The following CDKAL1 variants were observed in gnomAD, a reference collection of about 807,000 sequenced individuals.
CDKAL1 encodes CDKAL1 threonylcarbamoyladenosine tRNA methylthiotransferase, also known as threonylcarbamoyladenosine tRNA methylthiotransferase.
Under a neutral mutation model 68.2 loss-of-function variants are expected in CDKAL1, and 32 were observed. That is an observed-to-expected ratio of 0.47 (90% CI 0.35 to 0.63). The LOEUF (loss-of-function observed/expected upper bound fraction) is 0.63. Among genes scored for constraint, CDKAL1 ranks in the 30% least tolerant of loss-of-function variants. CDKAL1 has a pLI of 0.00. For synonymous variants in CDKAL1, 234 were observed against 244.3 expected (o/e 0.96, Z 0.39); for missense variants, 606 against 696.7 (o/e 0.87, Z 1.47).
intron 13 of CDKAL1, among the ~76,000 whole-genome samples, chr6:21,192,475 C>T (rs1202291116): frequency 1.3e-5 from 2 of 152,114 alleles, no homozygotes; most frequent in East Asian, 3.8e-4. Flanking sequence ...AACCAACAGC[C>T]ACTTTCAAAA....
At chr6:20,991,956 T>A (rs891575206) in intron 10 of CDKAL1, among the ~76,000 whole-genome samples, 1 of 150,454 alleles carries the variant, frequency 6.6e-6, no homozygotes, top group Non-Finnish European at 1.5e-5. Context: ...TCATTAATAG[T>A]CACATTCTCT....
intron 4 of CDKAL1, among the ~76,000 whole-genome samples, chr6:20,593,794 A>T (rs1239076965): frequency 3.9e-5 from 6 of 152,040 alleles, no homozygotes; most frequent in Non-Finnish European, 1.5e-5. Context: ...GATCTTTCCC[A>T]CTTTCTGCTG....
At chr6:20,641,317 A>C (rs1441265666) in intron 4 of CDKAL1, among the ~76,000 whole-genome samples, 1 of 152,228 alleles carries the variant, frequency 6.6e-6, no homozygotes. Context: ...AGGGCAATGC[A>C]TGCTTTTAAC....
intron 5 of CDKAL1, among the ~76,000 whole-genome samples, chr6:20,719,769 C>G (rs1772259116): frequency 6.6e-6 from 1 of 152,148 alleles, no homozygotes; most frequent in Non-Finnish European, 1.5e-5. Flanking sequence ...TCTGGAAAAC[C>G]CTTTTATGTT....
At chr6:20,936,800 C>T (rs1763742485) in intron 9 of CDKAL1, among the ~76,000 whole-genome samples, 1 of 152,092 alleles carries the variant, frequency 6.6e-6, no homozygotes, top group Non-Finnish European at 1.5e-5. Context: ...ATAACAGTAG[C>T]CACTTTAAAT....
intron 5 of CDKAL1, among the ~76,000 whole-genome samples, chr6:20,720,203 CT>C (rs887004163): frequency 1.3e-5 from 2 of 152,036 alleles, no homozygotes; most frequent in African/African-American, 4.8e-5. Context: ...CACTGTTCTG[CT>C]TTCCTGGTTG....
At chr6:20,573,374 A>G (rs1764783748) in intron 4 of CDKAL1, among the ~76,000 whole-genome samples, 1 of 132,636 alleles carries the variant, frequency 7.5e-6, no homozygotes, top group South Asian at 2.2e-4. Context: ...CAAAAACCTC[A>G]AGTTATATTT....
intron 4 of CDKAL1, among the ~76,000 whole-genome samples, chr6:20,620,627 T>G (rs1767145562): frequency 6.6e-6 from 1 of 152,176 alleles, no homozygotes; most frequent in South Asian, 2.1e-4. Context: ...TGTTGAATGC[T>G]TGAAAGATGA....
chr6:20,752,677 A>T (rs1773978451), intron 6 of CDKAL1, among the ~76,000 whole-genome samples: 3 of 152,182 alleles, frequency 2.0e-5, no homozygotes. Context: ...CCCGATCCTT[A>T]TGAAAGTGAG....
intron 4 of CDKAL1, among the ~76,000 whole-genome samples, chr6:20,552,443 A>C (rs9465805): frequency 0.022 from 3,277 of 152,182 alleles, 104 homozygotes; most frequent in African/African-American, 0.074. Flanking sequence ...CATTTTAATT[A>C]AATTTTAATC....
intron 12 of CDKAL1, among the ~76,000 whole-genome samples, chr6:21,095,672 C>T (rs796744431): frequency 1.3e-4 from 19 of 151,542 alleles, no homozygotes; most frequent in African/African-American, 4.6e-4. Context: ...TTTTCATCCA[C>T]TGGCTATCTC....
chr6:20,902,311 TCACACACACA>T (rs71658260), intron 9 of CDKAL1, among the ~76,000 whole-genome samples: 3 of 8,224 alleles, frequency 3.6e-4, no homozygotes, highest in African/African-American at 7.3e-4. Flanking sequence ...CGTGGTGGAT[TCACACACACA>T]CACACACACA....
intron 9 of CDKAL1, among the ~76,000 whole-genome samples, chr6:20,930,095 A>G (rs1763364692): frequency 6.6e-6 from 1 of 152,212 alleles, no homozygotes; most frequent in Non-Finnish European, 1.5e-5. Context: ...TACCAAGAAA[A>G]GCTGCATTAA....
chr6:20,916,268 G>C (rs1762719509), intron 9 of CDKAL1, among the ~76,000 whole-genome samples: 1 of 152,110 alleles, frequency 6.6e-6, no homozygotes, highest in African/African-American at 2.4e-5. Flanking sequence ...CTTGATAATT[G>C]ATACCATGGT....
chr6:21,148,115 A>G (rs997128990), intron 13 of CDKAL1, among the ~76,000 whole-genome samples: 1 of 152,146 alleles, frequency 6.6e-6, no homozygotes, highest in Non-Finnish European at 1.5e-5. Flanking sequence ...TTTAGATTGC[A>G]TTTTTTACAC....
chr6:21,158,390 T>C (rs534815625), intron 13 of CDKAL1, among the ~76,000 whole-genome samples: 1 of 152,362 alleles, frequency 6.6e-6, no homozygotes, highest in South Asian at 2.1e-4. Flanking sequence ...TGGCAGAATG[T>C]CAAAGCTTTT....
At chr6:20,864,065 A>T (rs1759780558) in intron 9 of CDKAL1, among the ~76,000 whole-genome samples, 1 of 152,216 alleles carries the variant, frequency 6.6e-6, no homozygotes, top group South Asian at 2.1e-4. Flanking sequence ...GAATAAATTG[A>T]ATAAAGATTT....
intron 13 of CDKAL1, among the ~76,000 whole-genome samples, chr6:21,123,291 C>CA (rs1562050154): frequency 2.0e-5 from 3 of 151,946 alleles, no homozygotes; most frequent in African/African-American, 4.8e-5. Context: ...CCCATCTCTA[C>CA]AAAAAATAGA....
intron 9 of CDKAL1, among the ~76,000 whole-genome samples, chr6:20,898,755 T>C (rs1761820520): frequency 6.6e-6 from 1 of 152,128 alleles, no homozygotes; most frequent in Non-Finnish European, 1.5e-5. Context: ...ATATAAACTT[T>C]TTTATTTTTA....
Sources: gnomAD v4.1 joint callset for allele counts (sites outside exome capture counted in the v4.1 genomes callset) on GRCh38, gnomAD v4.1.1 for gene constraint, MANE v1.5 for transcripts, NCBI Gene and HGNC (gene_info 2026-07-23, HGNC 2026-07-21) for gene names.